The following CAND2 variants were observed in gnomAD, a reference collection of about 807,000 sequenced individuals.
CAND2 encodes cullin associated and neddylation dissociated 2 (putative).
A neutral mutation model predicts 98.9 loss-of-function variants in CAND2; 62 were observed. The ratio of observed to expected loss-of-function variants is 0.63; its 90% CI spans 0.51 to 0.77. CAND2 has a LOEUF of 0.77. CAND2 is among the 30% of genes least tolerant of loss of function. CAND2 has a pLI of 0.00. For synonymous variants in CAND2, 770 were observed against 731.9 expected (o/e 1.05, Z -0.84); for missense variants, 1,501 against 1,655.2 (o/e 0.91, Z 1.62).
chr3:12,831,539 C>A lies in CAND2; in HGVS notation c.3450C>A (p.Leu1150=), dbSNP rs750572974. 9.3e-6 allele frequency: 15 copies of A among 1,613,432 alleles called. No homozygotes were observed. Among genetic ancestry groups the A allele is most frequent in the African/African-American group, 2.7e-5 (2 of 74,886 alleles). Residue 1150 remains leucine, a synonymous_variant, in exon 14 of 15, where the codon CTC becomes CTA. Transcript: ENST00000456430. Reference sequence around the variant, plus strand: ...CTGTCCTGCAGAGGGTGGACCGACTCATTGAGCCACTAAGGGCCACCTGCA... The same window carrying A: ...CTGTCCTGCAGAGGGTGGACCGACTAATTGAGCCACTAAGGGCCACCTGCA... The part of the protein sequence containing the change: ...PAPVLQRVDR[L]IEPLRATCTA...
At chr3:12,799,095 C>CAGT (rs1289857087) in intron 1 of CAND2, among the ~76,000 whole-genome samples, 2 of 152,196 alleles carry the variant, frequency 1.3e-5, no homozygotes. Context: ...CTTGAAAACA[C>CAGT]AGTAGTATTA....
chr3:12,825,571 G>A lies in CAND2; in HGVS notation c.3142G>A (p.Asp1048Asn). Residue 1048 changes from aspartate to asparagine, a missense_variant, in exon 12 of 15, where the codon GAC becomes AAC. Coordinates refer to ENST00000456430, the MANE Select transcript of CAND2 (RefSeq NM_001162499.2). ...GCACAACAAGCCCTCGCTAGTCCGG[G>A]ACCTGCTGGATGACATCCTGCCCCT... ...AVHNKPSLVRDLLDDILPLLY... is the reference protein window; with the variant it reads ...AVHNKPSLVRNLLDDILPLLY... 1.9e-6 allele frequency: 3 copies of A among 1,611,254 alleles called. No homozygotes were observed. The highest frequency in any genetic ancestry group is 2.5e-6 in the Non-Finnish European group (3 of 1,178,936).
chr3:12,812,909 A>T, intron 5 of CAND2, 81 bp from the exon 6 acceptor site: 1 of 841,154 alleles, frequency 1.2e-6, no homozygotes, highest in South Asian at 1.5e-5. Flanking sequence ...CTGCAGGTGC[A>T]TAGACAGTCT....
At chr3:12,818,649 TAC>T in intron 10 of CAND2, among the ~76,000 whole-genome samples, 1 of 152,362 alleles carries the variant, frequency 6.6e-6, no homozygotes, top group Admixed American at 6.5e-5. Flanking sequence ...GCTGGCCCCT[TAC>T]AGAACCAGTG....
chr3:12,803,577 T>G lies in CAND2; in HGVS notation c.158T>G (p.Leu53Arg). Residue 53 changes from leucine (L) to arginine (R), a missense_variant, in exon 2 of 15, where the codon CTG becomes CGG. By Grantham distance (102) the Leu-to-Arg change is moderately radical. Transcript: ENST00000456430. The part of the protein sequence containing the change: ...EDSERKVVKM[L>R]LRLLEDKNGE... ...AGCGAGCGCAAGGTGGTGAAGATGC[T>G]GCTCCGGCTCCTGGAGGACAAGAAC... 2 of 1,613,444 alleles carry G rather than the reference T, an allele frequency of 1.2e-6. No homozygotes were observed. The highest frequency in any genetic ancestry group is 1.7e-6 in the Non-Finnish European group (2 of 1,179,740).
At chr3:12,809,678 G>A (rs2061834142) in intron 4 of CAND2, among the ~76,000 whole-genome samples, 2 of 152,040 alleles carry the variant, frequency 1.3e-5, no homozygotes, top group Non-Finnish European at 2.9e-5. Flanking sequence ...GGAGTGACCA[G>A]GTGAGAAGTA....
rs114879546 is a variant in CAND2 at position 12,826,593 on chromosome 3, A to G, written c.3211-847A>G. ...CAGGCGTGTACCACCACACCTAGCT[A>G]ATATTTTGTATTTTTTTGTAGAGAT... On this transcript the variant is annotated intron_variant, in intron 12 of 14. Coordinates refer to ENST00000456430, the MANE Select transcript of CAND2 (RefSeq NM_001162499.2). Among the ~76,000 whole-genome samples, 316 of 151,922 alleles carry G rather than the reference A, an allele frequency of 2.1e-3. 1 individual carries two copies. The highest frequency in any genetic ancestry group is 7.2e-3 in the African/African-American group (297 of 41,416).
intron 11 of CAND2, among the ~76,000 whole-genome samples, chr3:12,824,043 T>C (rs2061980465): frequency 6.6e-6 from 1 of 152,014 alleles, no homozygotes; most frequent in African/African-American, 2.4e-5. Flanking sequence ...TAATGGCTCA[T>C]GCCTGTAATC....
chr3:12,822,892 ATCTT>A (rs958148040), intron 11 of CAND2, among the ~76,000 whole-genome samples: 8 of 152,032 alleles, frequency 5.3e-5, no homozygotes, highest in Admixed American at 1.3e-4. Context: ...ACCCATGCAC[ATCTT>A]TCTTTGTCCC....
chr3:12,830,841 T>C (rs1189306605), intron 13 of CAND2, among the ~76,000 whole-genome samples: 1 of 152,122 alleles, frequency 6.6e-6, no homozygotes, highest in African/African-American at 2.4e-5. Context: ...GCCTCCTCCT[T>C]TGCTGTGGGG....
intron 13 of CAND2, 79 bp from the exon 14 acceptor site, chr3:12,831,386 C>T (rs2062052498): frequency 9.1e-7 from 1 of 1,098,546 alleles, no homozygotes; most frequent in Non-Finnish European, 1.4e-6. Context: ...AGTTGTGGGG[C>T]CTCTGCTCTT....
In CAND2 at chr3:12,834,491, A is replaced by G. The variant is rs2062083252; in HGVS notation, c.*509A>G. ...TAAAATTCAAAACGGTTCATTTTTA[A>G]GTGGCAGTGATGAATCAGAAATTTG... On this transcript the variant is annotated 3_prime_UTR_variant, in exon 15 of 15. Coordinates refer to ENST00000456430, the MANE Select transcript of CAND2 (RefSeq NM_001162499.2). The G allele has an allele frequency of 1.3e-5, 2 of 155,262 alleles. No individual in the cohort carries two copies. The allele number at this position is 155,262 out of a possible 1,614,324, so 9.6% of individuals were successfully genotyped here.
intron 1 of CAND2, among the ~76,000 whole-genome samples, chr3:12,798,664 A>G (rs1322920460): frequency 6.6e-6 from 1 of 152,202 alleles, no homozygotes. Flanking sequence ...CCTCTGGTCC[A>G]GTCTCTGGGA....
At chr3:12,821,372 T>C (rs1480675987) in intron 11 of CAND2, among the ~76,000 whole-genome samples, 1 of 151,938 alleles carries the variant, frequency 6.6e-6, no homozygotes, top group Non-Finnish European at 1.5e-5. Flanking sequence ...TGCACTCTAA[T>C]CTGGGCAACA....
At chr3:12,827,676 C>A in intron 13 of CAND2, 72 bp downstream of exon 13, 2 of 1,385,670 alleles carry the variant, frequency 1.4e-6, no homozygotes, top group Non-Finnish European at 2.0e-6. Context: ...TGGGGCCATG[C>A]TTGTTTGTCC....
rs548077467 is a variant in CAND2, at chr3:12,810,954, A to G, written c.757+630A>G. ...AGCCACTGATCTGCTTTCTGTCACTATAGATTAGTTTTTTAGAAATGGAAA... is the reference window on the plus strand; with the variant it reads ...AGCCACTGATCTGCTTTCTGTCACTGTAGATTAGTTTTTTAGAAATGGAAA... On this transcript the variant is annotated intron_variant, in intron 5 of 14. Coordinates refer to ENST00000456430, the MANE Select transcript of CAND2 (RefSeq NM_001162499.2). 3.3e-5 allele frequency among the ~76,000 whole-genome samples: 5 copies of G among 152,248 alleles called. No homozygotes were observed. In the East Asian group the frequency reaches 9.7e-4, roughly 29 times the overall value.
intron 2 of CAND2, among the ~76,000 whole-genome samples, chr3:12,804,321 G>A (rs1275056366): frequency 6.6e-6 from 1 of 152,032 alleles, no homozygotes; most frequent in Non-Finnish European, 1.5e-5. Flanking sequence ...AAAGTTGCCG[G>A]GCATGGTGGT....
rs1261135839 is a variant in CAND2 at position 12,812,561 on chromosome 3, C to T, written c.758-429C>T. ...CTGGGACTACAGGCGCCCGCCACCG[C>T]GCCCGGCTAATTTTTTGTATTTTTA... is the stretch of plus-strand genomic sequence containing the variant. On this transcript the variant is annotated intron_variant, in intron 5 of 14. Coordinates refer to ENST00000456430, the MANE Select transcript of CAND2 (RefSeq NM_001162499.2). Among the ~76,000 whole-genome samples the T allele has an allele frequency of 5.8e-4, 87 of 151,130 alleles. 2 individuals carry two copies. Among genetic ancestry groups the T allele is most frequent in the Admixed American group, 4.8e-3 (73 of 15,164 alleles).
At chr3:12,811,551 C>G (rs969002186) in intron 5 of CAND2, among the ~76,000 whole-genome samples, 2 of 152,188 alleles carry the variant, frequency 1.3e-5, no homozygotes, top group Admixed American at 6.5e-5. Flanking sequence ...AGTGCCTGCT[C>G]GTGTAGAACC....
Sources: allele counts gnomAD v4.1 joint callset (sites outside exome capture counted in the v4.1 genomes callset), GRCh38; gene constraint gnomAD v4.1.1; transcripts MANE v1.5; gene names NCBI Gene and HGNC (gene_info 2026-07-23, HGNC 2026-07-21).